PTER: variants seen among roughly 807,000 people sequenced by gnomAD.
PTER encodes the protein N-acetyltaurine hydrolase.
A neutral mutation model predicts 29.6 loss-of-function variants in PTER; 38 were observed. That is an observed-to-expected ratio of 1.28 (90% confidence interval 0.99 to 1.68). PTER has a LOEUF of 1.68. PTER is among the 40% of genes most tolerant of loss of function. The pLI is 0.00. For synonymous variants in PTER, 172 were observed against 154.5 expected (o/e 1.11, Z -0.84); for missense variants, 482 against 427.8 (o/e 1.13, Z -1.12).
chr10:16,490,353 C>T lies in PTER; in HGVS notation c.698+3736C>T, dbSNP rs118001584. Among the ~76,000 whole-genome samples, 750 of 152,136 alleles carry T rather than the reference C, an allele frequency of 4.9e-3. 3 individuals carry two copies. The highest frequency in any genetic ancestry group is 8.6e-3 in the Non-Finnish European group (588 of 67,998). On this transcript the variant is annotated intron_variant, in intron 3 of 4. Coordinates refer to ENST00000535784, the MANE Select transcript of PTER (RefSeq NM_001261836.2). ...CTAGCCAGGGACCATCTGTAATCTCCAAAAACTGTATATGGGGCAAGTTTT... is the reference window on the plus strand; with the variant it reads ...CTAGCCAGGGACCATCTGTAATCTCTAAAAACTGTATATGGGGCAAGTTTT...
chr10:16,514,776 G>T, downstream of PTER: 1 of 1,196,406 alleles, frequency 8.4e-7, no homozygotes, highest in South Asian at 1.4e-5. Flanking sequence ...TGCCATTCAT[G>T]TAGCATCACA....
chr10:16,459,728 T>C (rs1222077840), intron 1 of PTER, among the ~76,000 whole-genome samples: 1 of 140,728 alleles, frequency 7.1e-6, no homozygotes, highest in Non-Finnish European at 1.5e-5. Context: ...TCAGAGTTAT[T>C]TATTTATTTA....
At chr10:16,462,822 C>T (rs1046783326) in intron 1 of PTER, among the ~76,000 whole-genome samples, 2 of 151,874 alleles carry the variant, frequency 1.3e-5, no homozygotes, top group African/African-American at 4.8e-5. Flanking sequence ...CCACCCGCCT[C>T]AGCCTCCCAA....
chr10:16,494,770 A>G (rs1444265690), intron 3 of PTER, among the ~76,000 whole-genome samples: 1 of 152,294 alleles, frequency 6.6e-6, no homozygotes, highest in East Asian at 1.9e-4. Flanking sequence ...TTTACTTTCT[A>G]TTTTTGACAT....
intron 1 of PTER, among the ~76,000 whole-genome samples, chr10:16,441,001 C>T (rs1314210218): frequency 6.6e-6 from 1 of 152,172 alleles, no homozygotes; most frequent in Non-Finnish European, 1.5e-5. Context: ...GCTCCTTTTA[C>T]TGTGTGGGAG....
chr10:16,444,523 G>A lies in PTER; in HGVS notation c.-49+7476G>A, dbSNP rs961352253. On this transcript the variant is annotated intron_variant, in intron 1 of 4. Transcript: ENST00000535784. ...GGGGCACTACCCCTCGGGAAGACCAGGTTGGCTCCTGGCACAGGGATGCAC... is the reference window on the plus strand; with the variant it reads ...GGGGCACTACCCCTCGGGAAGACCAAGTTGGCTCCTGGCACAGGGATGCAC... 5.3e-5 allele frequency among the ~76,000 whole-genome samples: 8 copies of A among 152,056 alleles called. 1 individual carries two copies. Among genetic ancestry groups the A allele is most frequent in the Admixed American group, 4.6e-4 (7 of 15,256 alleles).
At chr10:16,515,667 T>C (rs1157584645), downstream of PTER, among the ~76,000 whole-genome samples, 2 of 152,304 alleles carry the variant, frequency 1.3e-5, no homozygotes, top group Non-Finnish European at 2.9e-5. Flanking sequence ...ATTGTGGACA[T>C]TCTGTCAGAT....
intron 1 of PTER, among the ~76,000 whole-genome samples, chr10:16,459,193 G>A (rs1363427878): frequency 2.0e-5 from 3 of 152,026 alleles, no homozygotes; most frequent in African/African-American, 4.8e-5. Context: ...CCTTCCAGTC[G>A]CAAGATCTAT....
chr10:16,445,694 C>T (rs1039375052), intron 1 of PTER, among the ~76,000 whole-genome samples: 1 of 152,150 alleles, frequency 6.6e-6, no homozygotes, highest in Non-Finnish European at 1.5e-5. Context: ...CACTTGTCTC[C>T]GATGCACTGA....
At chr10:16,456,923 T>A (rs1275892900) in intron 1 of PTER, among the ~76,000 whole-genome samples, 2 of 151,754 alleles carry the variant, frequency 1.3e-5, no homozygotes, top group Admixed American at 1.3e-4. Flanking sequence ...GATCTGATGA[T>A]TTTATAAGGG....
Position 16,512,108 on chromosome 10 carries a change from C to G in PTER, c.*852C>G, listed in dbSNP as rs963083569. On this transcript the variant is annotated 3_prime_UTR_variant, in exon 5 of 5. Transcript: ENST00000535784. ...GCCTTATGTATATTCCCTTTATTTCCTTTACCTTTTGTTTTTCCTTGGACC... is the reference window on the plus strand; with the variant it reads ...GCCTTATGTATATTCCCTTTATTTCGTTTACCTTTTGTTTTTCCTTGGACC... 1 of 151,806 alleles carries G rather than the reference C, an allele frequency of 6.6e-6. No homozygotes were observed. The highest frequency in any genetic ancestry group is 2.4e-5 in the African/African-American group (1 of 41,302). 9.4% of individuals were successfully genotyped at this position (151,806 alleles called of 1,614,324 possible).
At chr10:16,483,362 G>A (rs1835552978) in intron 1 of PTER, among the ~76,000 whole-genome samples, 1 of 152,162 alleles carries the variant, frequency 6.6e-6, no homozygotes. Flanking sequence ...CATTCAACCT[G>A]AAGAGGTTCG....
chr10:16,493,565 G>A (rs575382095), intron 3 of PTER, among the ~76,000 whole-genome samples: 1 of 152,002 alleles, frequency 6.6e-6, no homozygotes, highest in African/African-American at 2.4e-5. Context: ...CCACTGAGCC[G>A]GCCAGAAAAA....
At chr10:16,470,333 G>A (rs530356969) in intron 1 of PTER, among the ~76,000 whole-genome samples, 3 of 152,302 alleles carry the variant, frequency 2.0e-5, no homozygotes, top group African/African-American at 7.2e-5. Flanking sequence ...TGAGGCCACA[G>A]GACTCTTATC....
intron 1 of PTER, among the ~76,000 whole-genome samples, chr10:16,447,785 A>G (rs916312066): frequency 6.6e-6 from 1 of 152,178 alleles, no homozygotes; most frequent in Non-Finnish European, 1.5e-5. Context: ...ACCAGATCCT[A>G]GTCTTCTCTT....
At chr10:16,458,474 A>T (rs1246740879) in intron 1 of PTER, among the ~76,000 whole-genome samples, 3 of 152,252 alleles carry the variant, frequency 2.0e-5, no homozygotes, top group Non-Finnish European at 4.4e-5. Context: ...TTATGAAGCC[A>T]TTAGAACAGG....
chr10:16,481,323 A>G (rs1038615695), intron 1 of PTER, among the ~76,000 whole-genome samples: 9 of 152,040 alleles, frequency 5.9e-5, no homozygotes, highest in Admixed American at 2.0e-4. Flanking sequence ...ATCGTTCCTT[A>G]CCTTCTTCCT....
At chr10:16,473,719 T>C (rs1242118408) in intron 1 of PTER, among the ~76,000 whole-genome samples, 2 of 152,078 alleles carry the variant, frequency 1.3e-5, no homozygotes, top group African/African-American at 4.8e-5. Context: ...AAAGATGCAG[T>C]TTGTCATGAA....
intron 1 of PTER, among the ~76,000 whole-genome samples, chr10:16,470,635 G>A (rs1835012456): frequency 6.6e-6 from 1 of 152,142 alleles, no homozygotes; most frequent in Non-Finnish European, 1.5e-5. Flanking sequence ...GGGTGTGGTG[G>A]CGGGTGCCCG....
Sources: allele counts gnomAD v4.1 joint callset (sites outside exome capture counted in the v4.1 genomes callset), GRCh38; gene constraint gnomAD v4.1.1; transcripts MANE v1.5; gene names NCBI Gene and HGNC (gene_info 2026-07-23, HGNC 2026-07-21).